The following CASP8 variants were observed in gnomAD, a reference collection of about 807,000 sequenced individuals.
The protein encoded by CASP8 is caspase 8, also known as caspase-8.
A neutral mutation model predicts 46.3 loss-of-function variants in CASP8; 24 were observed. The ratio of observed to expected loss-of-function variants is 0.52; its 90% CI spans 0.38 to 0.73. The LOEUF (loss-of-function observed/expected upper bound fraction) is 0.73, where lower values mean the gene tolerates loss of function less well. Among genes scored for constraint, CASP8 ranks in the 30% least tolerant of loss-of-function variants. The probability of loss-of-function intolerance (pLI) is 0.00; values close to 1 mark genes in which losing one functional copy is unlikely to be tolerated. For missense variants in CASP8, 460 were observed against 559.0 expected (o/e 0.82, Z 1.79); for synonymous variants, 188 against 200.4 (o/e 0.94, Z 0.52).
intron 2 of CASP8, among the ~76,000 whole-genome samples, chr2:201,239,145 GAA>G (rs1052015139): frequency 6.6e-6 from 1 of 152,126 alleles, no homozygotes; most frequent in Non-Finnish European, 1.5e-5. Context: ...AGAACAAAAT[GAA>G]AAGTCTCCCA....
chr2:201,234,734 C>T (rs1042034310), intron 2 of CASP8, among the ~76,000 whole-genome samples: 5 of 152,110 alleles, frequency 3.3e-5, no homozygotes, highest in Admixed American at 6.5e-5. Context: ...GCTGGGATTA[C>T]AGGCCTGAGC....
At chr2:201,257,032 C>T (rs1374321150), upstream of CASP8, among the ~76,000 whole-genome samples, 1 of 152,162 alleles carries the variant, frequency 6.6e-6, no homozygotes, top group Non-Finnish European at 1.5e-5. Flanking sequence ...GTAATCCCAG[C>T]TACCCAGGAG....
intron 2 of CASP8, among the ~76,000 whole-genome samples, chr2:201,271,090 C>T (rs1348343503): frequency 6.6e-6 from 1 of 152,064 alleles, no homozygotes; most frequent in Non-Finnish European, 1.5e-5. Flanking sequence ...ATTCCAGAAC[C>T]GAATGCTTGG....
intron 7 of CASP8, among the ~76,000 whole-genome samples, chr2:201,284,297 A>G (rs1949391468): frequency 4.6e-5 from 3 of 64,994 alleles, no homozygotes; most frequent in Non-Finnish European, 6.6e-5. Flanking sequence ...CAGAGGCTGC[A>G]ATCTCGGCTC....
chr2:201,243,858 C>T (rs1461986793), intron 2 of CASP8, among the ~76,000 whole-genome samples: 1 of 152,170 alleles, frequency 6.6e-6, no homozygotes, highest in Non-Finnish European at 1.5e-5. Context: ...ACCTGCCACG[C>T]ATGGATTATA....
At chr2:201,237,040 C>G (rs1374834975) in intron 2 of CASP8, among the ~76,000 whole-genome samples, 1 of 150,996 alleles carries the variant, frequency 6.6e-6, no homozygotes, top group Non-Finnish European at 1.5e-5. Flanking sequence ...GGATTCTTTT[C>G]AGTGCGTCTG....
intron 2 of CASP8, chr2:201,269,726 G>T: frequency 1.4e-6 from 1 of 705,230 alleles, no homozygotes; most frequent in South Asian, 1.5e-5. Context: ...ATATGCTAGG[G>T]TGACCACTTA....
At chr2:201,267,665 C>T (rs1314619499) in intron 2 of CASP8, among the ~76,000 whole-genome samples, 2 of 152,204 alleles carry the variant, frequency 1.3e-5, no homozygotes, top group Admixed American at 6.5e-5. Flanking sequence ...CACATTGTCA[C>T]TTTCTCTCTT....
chr2:201,271,916 C>T (rs940975531), intron 3 of CASP8, among the ~76,000 whole-genome samples: 7 of 152,166 alleles, frequency 4.6e-5, no homozygotes, highest in African/African-American at 1.7e-4. Flanking sequence ...ATATTTCCTC[C>T]ACTTCTGCAG....
At chr2:201,282,968 G>A (rs781171499) in intron 7 of CASP8, among the ~76,000 whole-genome samples, 111 of 68,264 alleles carry the variant, frequency 1.6e-3, no homozygotes, top group African/African-American at 1.9e-3. Context: ...CCTCCCTCCC[G>A]GACGGGGCGG....
intron 2 of CASP8, among the ~76,000 whole-genome samples, chr2:201,247,128 G>T (rs1470735409): frequency 6.8e-6 from 1 of 147,206 alleles, no homozygotes; most frequent in East Asian, 2.0e-4. Context: ...GGTGGAGGTT[G>T]CAGTGAACCA....
chr2:201,281,753 A>G, intron 7 of CASP8: 1 of 852,618 alleles, frequency 1.2e-6, no homozygotes, highest in Non-Finnish European at 1.7e-6. Context: ...AGCCTAAATG[A>G]TAGCTTACCC....
rs796217000 is a variant in CASP8 at position 201,272,285 on chromosome 2, T to TG, written c.412-348dup. On this transcript the variant is annotated intron_variant, in intron 3 of 8. Transcript: ENST00000673742. This position sits in a 1 kb window ranked among gnomAD's most constrained non-coding sequence, Gnocchi z 4.4. ...GTACTCAGGTCTGGAGAGGCAATGC[T>TG]GGGGGTGAGGCTGTTCCCCAGGGTG... Among the ~76,000 whole-genome samples, 11 of 152,166 alleles carry TG rather than the reference T, an allele frequency of 7.2e-5. No homozygotes were observed. Among genetic ancestry groups the TG allele is most frequent in the African/African-American group, 2.6e-4 (11 of 41,512 alleles).
At chr2:201,282,840 C>G (rs1421276476) in intron 7 of CASP8, among the ~76,000 whole-genome samples, 113 of 83,968 alleles carry the variant, frequency 1.3e-3, no homozygotes, top group African/African-American at 4.0e-3. Context: ...ACCTCCCTCC[C>G]GGACGGGGCG....
chr2:201,242,009 G>A (rs953877575), intron 2 of CASP8: 6 of 152,212 alleles, frequency 3.9e-5, no homozygotes, highest in East Asian at 1.9e-4. Context: ...ATACCCTTTC[G>A]TGATTAAACA....
At chr2:201,239,771 T>A (rs887071571) in intron 2 of CASP8, among the ~76,000 whole-genome samples, 1 of 152,182 alleles carries the variant, frequency 6.6e-6, no homozygotes, top group South Asian at 2.1e-4. Context: ...ACCCGGATCC[T>A]CCCACAGCTT....
chr2:201,274,091 G>A (rs773923641), intron 5 of CASP8, among the ~76,000 whole-genome samples: 8 of 151,954 alleles, frequency 5.3e-5, no homozygotes, highest in Admixed American at 1.3e-4. Context: ...GTATTTTTAC[G>A]TTGGCTCTTT....
At chr2:201,277,564 T>C (rs1258420415) in intron 7 of CASP8, among the ~76,000 whole-genome samples, 1 of 152,228 alleles carries the variant, frequency 6.6e-6, no homozygotes, top group East Asian at 1.9e-4. Flanking sequence ...ATAATTTTGA[T>C]TTGATCAAAG....
upstream of CASP8, chr2:201,258,352 A>AAC (rs770882999): frequency 1.2e-6 from 2 of 1,613,598 alleles, no homozygotes; most frequent in Non-Finnish European, 1.7e-6. Flanking sequence ...GGACTCGGAG[A>AAC]CTGCGATGGT....
Sources: allele counts gnomAD v4.1 joint callset (sites outside exome capture counted in the v4.1 genomes callset), GRCh38; gene constraint gnomAD v4.1.1; non-coding constraint Gnocchi (gnomAD v3.1); transcripts MANE v1.5; gene names NCBI Gene and HGNC (gene_info 2026-07-23, HGNC 2026-07-21).